The following ZMYM1 variants were observed in gnomAD, a reference collection of about 807,000 sequenced individuals.
ZMYM1 encodes the protein zinc finger MYM-type protein 1.
ZMYM1 carries 39 observed loss-of-function variants against 60.0 expected under a neutral mutation model. That is an observed-to-expected ratio of 0.65 (90% CI 0.50 to 0.85). The LOEUF is 0.85. Ranked by LOEUF, ZMYM1 falls within the 40% of genes least tolerant of loss-of-function variation. The pLI, the probability that ZMYM1 is intolerant of heterozygous loss-of-function variation, is 0.00. For missense variants in ZMYM1, 1,171 were observed against 1,309.5 expected, an observed-to-expected ratio of 0.89 and a Z score of 1.63; for synonymous variants, 413 against 454.0, an observed-to-expected ratio of 0.91 and a Z score of 1.15.
intron 1 of ZMYM1, among the ~76,000 whole-genome samples, chr1:35,064,201 G>T (rs528845762): frequency 1.4e-3 from 202 of 148,518 alleles, no homozygotes; most frequent in Non-Finnish European, 2.3e-3. Flanking sequence ...GTGCACATCT[G>T]TAATCCCAGC....
chr1:35,083,373 G>A (rs970359491), intron 1 of ZMYM1, among the ~76,000 whole-genome samples: 3 of 151,858 alleles, frequency 2.0e-5, no homozygotes, highest in African/African-American at 7.3e-5. Flanking sequence ...GGGTGGCCTC[G>A]AACTCCTGGG....
Position 35,113,638 on chromosome 1 carries a change from G to C in ZMYM1, c.1808G>C (p.Arg603Pro). The change falls in exon 10 of 10, where the codon CGA (arginine) becomes CCA (proline). Residue 603 changes from arginine to proline, a missense_variant. By Grantham distance (103) the Arg-to-Pro change is moderately radical (BLOSUM62 -2). Transcript: ENST00000359858. ...RAKDKGEETFRLMNSQVDFYN... is the reference protein window; with the variant it reads ...RAKDKGEETFPLMNSQVDFYN... ...AAAGATAAAGGAGAAGAAACATTTCGACTTATGAATTCACAAGTTGACTTC... is the reference window on the plus strand; with the variant it reads ...AAAGATAAAGGAGAAGAAACATTTCCACTTATGAATTCACAAGTTGACTTC... The C allele has an allele frequency of 2.5e-6, 4 of 1,612,352 alleles. No individual in the cohort carries two copies. The highest frequency in any genetic ancestry group is 1.7e-5 in the Admixed American group (1 of 59,722).
chr1:35,060,176 A>ATTT (rs1553135163), intron 1 of ZMYM1, among the ~76,000 whole-genome samples: 144 of 148,774 alleles, frequency 9.7e-4, no homozygotes, highest in African/African-American at 3.5e-3. Context: ...TATTATTATT[A>ATTT]TTATTATTTT....
At chr1:35,065,744 T>C (rs1254493801) in intron 1 of ZMYM1, among the ~76,000 whole-genome samples, 1 of 151,296 alleles carries the variant, frequency 6.6e-6, no homozygotes, top group Non-Finnish European at 1.5e-5. Flanking sequence ...GGAAAACTGA[T>C]AAAACCAAAA....
Position 35,115,270 on chromosome 1 carries a change from T to C in ZMYM1, c.*11T>C, listed in dbSNP as rs1470197293. 3 of 1,539,426 alleles carry C rather than the reference T, an allele frequency of 1.9e-6. No homozygotes were observed. The African/African-American group carries it at 4.2e-5, about 21-fold the overall frequency. On this transcript the variant is annotated 3_prime_UTR_variant, in exon 10 of 10. Coordinates refer to ENST00000359858, the MANE Select transcript of ZMYM1 (RefSeq NM_024772.5). ...ATGAAAGAAATATAATACATGCTCA[T>C]TTGAACTTACCTAAAAGACTTGTAT... is the stretch of plus-strand genomic sequence containing the variant.
chr1:35,071,149 A>G (rs1642060424), intron 1 of ZMYM1, among the ~76,000 whole-genome samples: 1 of 152,056 alleles, frequency 6.6e-6, no homozygotes, highest in Non-Finnish European at 1.5e-5. Flanking sequence ...AGCCTCCCAA[A>G]GTGCTGGGAA....
Position 35,104,444 on chromosome 1 carries a change from G to A in ZMYM1, c.569G>A (p.Cys190Tyr). 6.2e-7 allele frequency: 1 copy of A among 1,610,696 alleles called. No individual in the cohort carries two copies. Among genetic ancestry groups the A allele is most frequent in the Non-Finnish European group, 8.5e-7 (1 of 1,177,982 alleles). Residue 190 changes from cysteine to tyrosine, a missense_variant, in exon 5 of 10, where the codon TGC becomes TAC. Coordinates refer to ENST00000359858, the MANE Select transcript of ZMYM1 (RefSeq NM_024772.5). ...TGTACTAATAGCATTTTGACCAAGT[G>A]CAGCATGTGCCAGAAGACTGCTATT... ...TICTNSILTKCSMCQKTAIIQ... is the reference protein window; with the variant it reads ...TICTNSILTKYSMCQKTAIIQ...
At position 35,113,955 on chromosome 1, in the gene ZMYM1, G is replaced by T. The variant is rs375370629; in HGVS notation, c.2125G>T (p.Asp709Tyr). 3.7e-6 allele frequency: 6 copies of T among 1,613,850 alleles called. No homozygotes were observed. Among genetic ancestry groups the T allele is most frequent in the South Asian group, 3.3e-5 (3 of 91,042 alleles). The change falls in exon 10 of 10, where the codon GAT (aspartate) becomes TAT (tyrosine). Residue 709 changes from aspartate (D) to tyrosine (Y), a missense_variant. Physicochemically the swap from Asp to Tyr is radical, Grantham distance 160 (BLOSUM62 -3). Coordinates refer to ENST00000359858, the MANE Select transcript of ZMYM1 (RefSeq NM_024772.5). ...TYLQQIGVDM[D>Y]KIHGQAYDST... ...TCTGCAGCAAATTGGAGTTGATATG[G>T]ATAAAATACATGGCCAGGCCTATGA...
chr1:35,114,964 T>C lies in ZMYM1; in HGVS notation c.3134T>C (p.Ile1045Thr), dbSNP rs773710174. ...KLNFVIDDSC[I>T]NFVSLGCLFI... ...AACTTTGTCATAGATGATAGTTGCA[T>C]AAACTTCGTCAGTCTCGGCTGTTTG... Residue 1045 changes from isoleucine to threonine, a missense_variant, in exon 10 of 10, where the codon ATA becomes ACA. By Grantham distance (89) the Ile-to-Thr change is moderately conservative. Transcript: ENST00000359858. The C allele has an allele frequency of 1.9e-6, 3 of 1,614,114 alleles. No individual in the cohort carries two copies. Among genetic ancestry groups the C allele is most frequent in the South Asian group, 2.2e-5 (2 of 91,078 alleles).
chr1:35,112,992 C>T lies in ZMYM1; in HGVS notation c.1162C>T (p.Pro388Ser), dbSNP rs751732524. 5 of 1,561,168 alleles carry T rather than the reference C, an allele frequency of 3.2e-6. No individual in the cohort carries two copies. The highest frequency in any genetic ancestry group is 4.3e-6 in the Non-Finnish European group (5 of 1,157,652). The change falls in exon 10 of 10, where the codon CCT becomes TCT. Residue 388 changes from proline to serine, a missense_variant. Transcript: ENST00000359858. ...DVIVDLSKSS[P>S]SEPSNAVASS... is the part of the protein sequence containing the mutation. ...TCTCCCAAAGCTTTCTAAGAGTTCA[C>T]CTAGTGAACCCAGTAATGCTGTTGC...
chr1:35,116,459 G>T (rs1331263934), downstream of ZMYM1, among the ~76,000 whole-genome samples: 1 of 152,224 alleles, frequency 6.6e-6, no homozygotes, highest in East Asian at 1.9e-4. Context: ...CTTCAAAAAA[G>T]TTTTGTTTTT....
chr1:35,092,734 T>C (rs2148512529), intron 1 of ZMYM1, among the ~76,000 whole-genome samples: 1 of 152,126 alleles, frequency 6.6e-6, no homozygotes, highest in Admixed American at 6.6e-5. Flanking sequence ...TTCAAGCTAT[T>C]CTCCTGCCTC....
At chr1:35,068,432 A>AG (rs796962499) in intron 1 of ZMYM1, among the ~76,000 whole-genome samples, 3,254 of 150,372 alleles carry the variant, frequency 0.022, 150 homozygotes, top group African/African-American at 0.076. Context: ...AAAAAAAAAA[A>AG]AAGAAAAGAA....
At chr1:35,076,348 G>A (rs1642165906), upstream of ZMYM1, among the ~76,000 whole-genome samples, 1 of 152,204 alleles carries the variant, frequency 6.6e-6, no homozygotes, top group Non-Finnish European at 1.5e-5. Flanking sequence ...CTGGCCGGAT[G>A]TGGTGGCTCA....
chr1:35,110,809 C>A (rs971551425), intron 7 of ZMYM1, among the ~76,000 whole-genome samples: 3 of 152,008 alleles, frequency 2.0e-5, no homozygotes, highest in African/African-American at 4.8e-5. Flanking sequence ...TGGTGGGTCC[C>A]TGTAGTCCCA....
upstream of ZMYM1, among the ~76,000 whole-genome samples, chr1:35,074,755 G>T (rs1642137425): frequency 6.6e-6 from 1 of 151,998 alleles, no homozygotes; most frequent in South Asian, 2.1e-4. Context: ...TTGAGGGTGG[G>T]GTGTTGAAGT....
rs891075855 is a variant in ZMYM1, at chr1:35,100,712, C to T, written c.419+3146C>T. 4.6e-5 allele frequency among the ~76,000 whole-genome samples: 7 copies of T among 152,026 alleles called. 1 individual carries two copies. The highest frequency in any genetic ancestry group is 2.0e-4 in the Admixed American group (3 of 15,248). On this transcript the variant is annotated intron_variant, in intron 4 of 9. Coordinates refer to ENST00000359858, the MANE Select transcript of ZMYM1 (RefSeq NM_024772.5). ...CTTTAGTATCTCAGTTGGAACCAACCGCAAATCCTGAATGCAATCAATAAA... is the reference window on the plus strand; with the variant it reads ...CTTTAGTATCTCAGTTGGAACCAACTGCAAATCCTGAATGCAATCAATAAA...
chr1:35,099,793 G>C (rs1643541091), intron 4 of ZMYM1, among the ~76,000 whole-genome samples: 2 of 152,136 alleles, frequency 1.3e-5, no homozygotes, highest in Admixed American at 6.6e-5. Context: ...TTAAACTCCT[G>C]AGTTCAAGTG....
chr1:35,102,257 A>AT (rs1377138356), intron 4 of ZMYM1, among the ~76,000 whole-genome samples: 1 of 151,944 alleles, frequency 6.6e-6, no homozygotes, highest in Non-Finnish European at 1.5e-5. Flanking sequence ...GCTAGTTGCA[A>AT]TGTGGGATCA....
Sources: allele counts gnomAD v4.1 joint callset (sites outside exome capture counted in the v4.1 genomes callset), GRCh38; gene constraint gnomAD v4.1.1; transcripts MANE v1.5; gene names NCBI Gene and HGNC (gene_info 2026-07-23, HGNC 2026-07-21).